Variants in ERMP1 observed in about 807,000 individuals in gnomAD.
ERMP1 encodes Felix-ina.
ERMP1 carries 86 observed loss-of-function variants against 92.0 expected under a neutral mutation model. The observed-to-expected ratio is 0.93, with a 90% CI of 0.79 to 1.12. ERMP1 has a LOEUF of 1.12. Ranked by LOEUF, ERMP1 falls within the 50% of genes most tolerant of loss-of-function variation. The pLI is 0.00. For synonymous variants in ERMP1, 530 were observed against 412.8 expected, an observed-to-expected ratio of 1.28 and a Z score of -3.44; for missense variants, 1,342 against 1,116.3, an observed-to-expected ratio of 1.20 and a Z score of -2.88.
At chr9:5,812,817 T>C (rs768305027) in intron 5 of ERMP1, 72 bp downstream of exon 5, 1 of 1,533,072 alleles carries the variant, frequency 6.5e-7, no homozygotes, top group Admixed American at 1.7e-5. Flanking sequence ...TTTACTCACA[T>C]ACTTTCAAGA....
chr9:5,797,638 A>G (rs1389657759), intron 13 of ERMP1, among the ~76,000 whole-genome samples, 179 bp downstream of exon 13: 1 of 139,536 alleles, frequency 7.2e-6, no homozygotes, highest in Non-Finnish European at 1.6e-5. Flanking sequence ...ACAGAGCGAG[A>G]CTCCATCTCA....
chr9:5,829,219 C>CAAAAAAAA (rs546458492), intron 2 of ERMP1, among the ~76,000 whole-genome samples: 1 of 56,406 alleles, frequency 1.8e-5, no homozygotes, highest in Admixed American at 1.6e-4. Flanking sequence ...GCCCCCCAGC[C>CAAAAAAAA]AAAAAAAAAA....
At chr9:5,814,252 G>A (rs1487007394) in intron 4 of ERMP1, among the ~76,000 whole-genome samples, 1 of 152,176 alleles carries the variant, frequency 6.6e-6, no homozygotes, top group Non-Finnish European at 1.5e-5. Flanking sequence ...CATAACTGCA[G>A]TTATTCAGAA....
chr9:5,865,806 C>A (rs1830640559), intron 5 of ERMP1, among the ~76,000 whole-genome samples: 1 of 143,734 alleles, frequency 7.0e-6, no homozygotes, highest in Non-Finnish European at 1.5e-5. Flanking sequence ...CCACTGTACT[C>A]CAGCCCGGGC....
At chr9:5,815,143 C>G (rs1250916726) in intron 4 of ERMP1, among the ~76,000 whole-genome samples, 4 of 152,120 alleles carry the variant, frequency 2.6e-5, no homozygotes, top group Non-Finnish European at 5.9e-5. Flanking sequence ...TCTTCCAAAA[C>G]TCATAGAATT....
chr9:5,812,522 C>G (rs946666923), intron 5 of ERMP1, among the ~76,000 whole-genome samples: 2 of 152,178 alleles, frequency 1.3e-5, no homozygotes, highest in African/African-American at 4.8e-5. Flanking sequence ...CACCTACATT[C>G]TTGCCAGGCC....
At position 5,824,038 on chromosome 9, in the gene ERMP1, C is replaced by T. The variant is rs771160600; in HGVS notation, c.769-37G>A. 4.6e-6 allele frequency: 7 copies of T among 1,525,732 alleles called. 1 individual carries two copies. The East Asian group carries it at 9.0e-5, about 20-fold the overall frequency. 94.5% of individuals were successfully genotyped at this position (1,525,732 alleles called of 1,614,324 possible). ...GGAAAGAAAACAAATATTTGTTAAACAATCTTAAATTATCAGTCTTGATTT... is the reference window on the plus strand; with the variant it reads ...GGAAAGAAAACAAATATTTGTTAAATAATCTTAAATTATCAGTCTTGATTT... On this transcript the variant is annotated intron_variant, in intron 3 of 14. Transcript: ENST00000339450.
chr9:5,800,395 C>T (rs1046407870), intron 11 of ERMP1, among the ~76,000 whole-genome samples: 11 of 152,246 alleles, frequency 7.2e-5, no homozygotes, highest in Admixed American at 2.6e-4. Flanking sequence ...CTCAAACTGG[C>T]CAGGTGTGGT....
Position 5,825,155 on chromosome 9 carries a change from A to G in ERMP1, c.705T>C (p.Ser235=). The G allele has an allele frequency of 6.2e-7, 1 of 1,614,128 alleles. No homozygotes were observed. Among genetic ancestry groups the G allele is most frequent in the Non-Finnish European group, 8.5e-7 (1 of 1,179,960 alleles). ...TGACAGCATGATGCAAGGCTTCTGA[A>G]GATGTTGACAAGACGCGAAGGACTT... is the stretch of plus-strand genomic sequence containing the variant. ...MLEVLRVLST[S]SEALHHAVIF... is the part of the protein sequence containing the mutation. Residue 235 remains serine (S), a synonymous_variant, in exon 3 of 15, where the codon TCT becomes TCC. Coordinates refer to ENST00000339450, the MANE Select transcript of ERMP1 (RefSeq NM_024896.3).
intron 1 of ERMP1, 44 bp downstream of exon 1, chr9:5,832,646 C>A: frequency 7.4e-7 from 1 of 1,347,338 alleles, no homozygotes. Flanking sequence ...GCGCAGGAGC[C>A]GCAAACGGAC....
rs907132671 is a variant in ERMP1, at chr9:5,853,592, C to A, written n.3199+5876G>T. On this transcript the variant is annotated intron_variant and non_coding_transcript_variant, in intron 6 of 6. Coordinates refer to the ERMP1 transcript ENST00000690753. Reference sequence around the variant, plus strand: ...TGGTTTGGCCTGGAGAAACAAGGACCAGGAAATCATGGAAAGCCAGGCAGA... The same window carrying A: ...TGGTTTGGCCTGGAGAAACAAGGACAAGGAAATCATGGAAAGCCAGGCAGA... Among the ~76,000 whole-genome samples the A allele has an allele frequency of 7.9e-5, 12 of 151,962 alleles. 1 individual carries two copies. Among genetic ancestry groups the A allele is most frequent in the Admixed American group, 6.5e-4 (10 of 15,268 alleles).
Sources: allele counts gnomAD v4.1 joint callset (sites outside exome capture counted in the v4.1 genomes callset), GRCh38; gene constraint gnomAD v4.1.1; transcripts MANE v1.5; gene names NCBI Gene and HGNC (gene_info 2026-07-23, HGNC 2026-07-21).